EFCAB5: variants seen among roughly 807,000 people sequenced by gnomAD.
EFCAB5 encodes the protein EF-hand calcium binding domain 5, also known as EF-hand calcium-binding domain-containing protein 5.
In EFCAB5, 131 loss-of-function variants were observed where a neutral mutation model predicts 167.9. The observed-to-expected ratio is 0.78, with a 90% CI of 0.68 to 0.90. The LOEUF is 0.90. Ranked by LOEUF, EFCAB5 falls within the 40% of genes least tolerant of loss-of-function variation. EFCAB5 has a pLI of 0.00. For synonymous variants in EFCAB5, 574 were observed against 602.8 expected (o/e 0.95, Z 0.70); for missense variants, 1,663 against 1,745.2 (o/e 0.95, Z 0.84).
At chr17:30,016,124 T>G (rs2069035385) in intron 7 of EFCAB5, among the ~76,000 whole-genome samples, 1 of 152,218 alleles carries the variant, frequency 6.6e-6, no homozygotes, top group Non-Finnish European at 1.5e-5. Context: ...TTCAATCCTT[T>G]ATCAAATATG....
At chr17:30,015,936 G>A (rs544990880) in intron 7 of EFCAB5, among the ~76,000 whole-genome samples, 2 of 151,822 alleles carry the variant, frequency 1.3e-5, no homozygotes, top group Admixed American at 1.3e-4. Context: ...TTGCCACCAC[G>A]CCCAGCTAAT....
intron 1 of EFCAB5, chr17:29,929,927 G>T: frequency 6.3e-7 from 1 of 1,592,630 alleles, no homozygotes. Context: ...CGGCCGCCAG[G>T]AAGGACTCAC....
chr17:30,068,033 C>A (rs11868763), intron 14 of EFCAB5, among the ~76,000 whole-genome samples: 78,026 of 152,112 alleles, frequency 0.51, 20,412 homozygotes, highest in African/African-American at 0.57. Context: ...AGGCCGGGCG[C>A]GGTGGCTCAC....
chr17:29,960,851 A>G (rs2067707481), intron 3 of EFCAB5, among the ~76,000 whole-genome samples: 1 of 152,030 alleles, frequency 6.6e-6, no homozygotes, highest in Non-Finnish European at 1.5e-5. Flanking sequence ...CTATATTACT[A>G]TTATTGATTA....
chr17:30,083,071 T>G lies in EFCAB5; in HGVS notation c.3579+28T>G, dbSNP rs185735023. On this transcript the variant is annotated intron_variant, in intron 18 of 22. Coordinates refer to ENST00000394835, the MANE Select transcript of EFCAB5 (RefSeq NM_198529.4). ...AGGCAAGGCTCAGTAGTGGTAGATC[T>G]CTCCAAGGTAGCCGAGTGTCTAGAT... 106 of 1,601,798 alleles carry G rather than the reference T, an allele frequency of 6.6e-5. No individual in the cohort carries two copies. The African/African-American group carries it at 1.3e-3, about 20-fold the overall frequency.
At position 29,929,917 on chromosome 17, in the gene EFCAB5, C is replaced by T. The variant is rs369553394; in HGVS notation, c.-127+588C>T. On this transcript the variant is annotated intron_variant, in intron 1 of 3. Coordinates refer to the EFCAB5 transcript ENST00000448319. The stretch of plus-strand genomic sequence containing the variant: ...GCCGCAGTGACAGAAGCAAGCGGAG[C>T]GGCCGCCAGGAAGGACTCACCGAGG... The T allele has an allele frequency of 2.0e-4, 310 of 1,578,936 alleles. 4 individuals carry two copies. The East Asian group carries it at 4.1e-3, about 21-fold the overall frequency.
Position 30,083,015 on chromosome 17 carries a change from C to A in EFCAB5, c.3551C>A (p.Thr1184Lys). The change falls in exon 18 of 23, where the codon ACG becomes AAG. Residue 1184 changes from threonine (T) to lysine (K), a missense_variant. Physicochemically the swap from Thr to Lys is moderately conservative, Grantham distance 78 (BLOSUM62 -1). Transcript: ENST00000394835. ...ACATCCAGCATCACCTCCATCACTA[C>A]GTACTTTGTAGAGCCTAGCCCAGCC... is the stretch of plus-strand genomic sequence containing the variant. ...DVTSSITSIT[T>K]YFVEPSPAQD... The A allele has an allele frequency of 6.2e-7, 1 of 1,613,982 alleles. No individual in the cohort carries two copies. Among genetic ancestry groups the A allele is most frequent in the Non-Finnish European group, 8.5e-7 (1 of 1,179,870 alleles).
intron 4 of EFCAB5, among the ~76,000 whole-genome samples, chr17:29,971,078 A>G (rs905574799): frequency 4.6e-5 from 7 of 151,872 alleles, no homozygotes; most frequent in Non-Finnish European, 1.0e-4. Flanking sequence ...CATCTCAAAA[A>G]AAAAAAAAGA....
chr17:30,049,039 A>G (rs973419733), intron 8 of EFCAB5, among the ~76,000 whole-genome samples: 1 of 152,144 alleles, frequency 6.6e-6, no homozygotes, highest in African/African-American at 2.4e-5. Flanking sequence ...TCTAGTATAC[A>G]TAGACCTTGA....
intron 4 of EFCAB5, 97 bp from the exon 5 acceptor site, chr17:29,993,068 G>A: frequency 8.0e-7 from 1 of 1,247,202 alleles, no homozygotes; most frequent in East Asian, 2.7e-5. Flanking sequence ...GAAAAGACAG[G>A]CAAACATTTT....
rs1207992878 is a variant in EFCAB5 at position 30,053,317 on chromosome 17, A to T, written c.1363A>T (p.Lys455Ter). 1 of 1,613,886 alleles carries T rather than the reference A, an allele frequency of 6.2e-7. No individual in the cohort carries two copies. Among genetic ancestry groups the T allele is most frequent in the South Asian group, 1.1e-5 (1 of 91,078 alleles). Reference sequence around the variant, plus strand: ...GTTGTGGGGAGACATGGATAATCAGAAACACATTTATGAAGGTTTTGACAA... The same window carrying T: ...GTTGTGGGGAGACATGGATAATCAGTAACACATTTATGAAGGTTTTGACAA... ...TELWGDMDNQ[K>*]HIYEGFDKVL... The change falls in exon 10 of 23, where the codon AAA becomes TAA. Residue 455 changes from lysine to a stop codon, truncating the protein, a stop_gained. Coordinates refer to ENST00000394835, the MANE Select transcript of EFCAB5 (RefSeq NM_198529.4). LOFTEE classifies it high-confidence loss of function.
At chr17:29,993,931 C>T (rs897176407) in intron 5 of EFCAB5, among the ~76,000 whole-genome samples, 1 of 151,112 alleles carries the variant, frequency 6.6e-6, no homozygotes, top group African/African-American at 2.4e-5. Flanking sequence ...CCAGCCTAGG[C>T]AATATAGGGA....
At chr17:29,994,424 T>C (rs2068501669) in intron 5 of EFCAB5, among the ~76,000 whole-genome samples, 1 of 151,694 alleles carries the variant, frequency 6.6e-6, no homozygotes, top group Non-Finnish European at 1.5e-5. Context: ...TTGCTAGAAG[T>C]GTCCCCTGGA....
intron 3 of EFCAB5, among the ~76,000 whole-genome samples, chr17:29,944,712 C>T (rs557158414): frequency 1.3e-5 from 2 of 151,558 alleles, no homozygotes; most frequent in Admixed American, 6.6e-5. Context: ...CAACCTCAGC[C>T]TCCCGGGTTC....
Position 30,056,064 on chromosome 17 carries a change from G to A in EFCAB5, c.2273G>A (p.Gly758Asp). 6.2e-7 allele frequency: 1 copy of A among 1,612,868 alleles called. No individual in the cohort carries two copies. The highest frequency in any genetic ancestry group is 2.2e-5 in the East Asian group (1 of 44,822). The change falls in exon 12 of 23, where the codon GGT becomes GAT. Residue 758 changes from glycine (G) to aspartate (D), a missense_variant and splice_region_variant. Transcript: ENST00000394835. ...TATGTTATGGAATGTGTTTTTACAG[G>A]TGAATTTTTTACTTGTAACTGGAAA... ...SQKIEGKSWSGEFFTCNWKMK... is the reference protein window; with the variant it reads ...SQKIEGKSWSDEFFTCNWKMK...
In EFCAB5 at chr17:30,107,991, A is replaced by T. The variant is rs370566647; in HGVS notation, c.4479A>T (p.Ala1493=). 141 of 1,607,914 alleles carry T rather than the reference A, an allele frequency of 8.8e-5. 2 individuals are homozygous for T. In the Middle Eastern group the frequency reaches 1.5e-3, roughly 17 times the overall value. ...LPSKTDNYMY[A]KMPGEGLQEK ...CCAAGACTGACAATTATATGTATGC[A>T]AAAATGCCAGGGGAAGGTTTGCAAG... Residue 1493 remains alanine, a synonymous_variant, in exon 23 of 23, where the codon GCA becomes GCT. Coordinates refer to ENST00000394835, the MANE Select transcript of EFCAB5 (RefSeq NM_198529.4).
At chr17:30,012,477 C>T (rs1347425840) in intron 7 of EFCAB5, among the ~76,000 whole-genome samples, 1 of 151,946 alleles carries the variant, frequency 6.6e-6, no homozygotes, top group African/African-American at 2.4e-5. Context: ...TTTGTCTCCT[C>T]TCTCTCTCTG....
chr17:30,069,139 C>G (rs1228032216), intron 14 of EFCAB5: 5 of 1,542,152 alleles, frequency 3.2e-6, no homozygotes, highest in Non-Finnish European at 4.5e-6. Flanking sequence ...TAAGCTGGAA[C>G]CAGAACCAAA....
chr17:30,008,992 G>A (rs945407496), intron 7 of EFCAB5, among the ~76,000 whole-genome samples: 6 of 152,100 alleles, frequency 3.9e-5, no homozygotes, highest in African/African-American at 1.4e-4. Context: ...GGTGGCTGTT[G>A]GCATTCCTTT....
Sources: allele counts gnomAD v4.1 joint callset (sites outside exome capture counted in the v4.1 genomes callset), GRCh38; gene constraint gnomAD v4.1.1; transcripts MANE v1.5; gene names NCBI Gene and HGNC (gene_info 2026-07-23, HGNC 2026-07-21).